The following ADGRL3 variants were observed in gnomAD, a reference collection of about 807,000 sequenced individuals.
ADGRL3 encodes calcium-independent alpha-latrotoxin receptor 3.
A neutral mutation model predicts 153.5 loss-of-function variants in ADGRL3; 62 were observed. The ratio of observed to expected loss-of-function variants is 0.40; its 90% CI spans 0.33 to 0.50. The LOEUF (loss-of-function observed/expected upper bound fraction) is 0.50. ADGRL3 is among the 20% of genes least tolerant of loss of function. The pLI is 0.47. For synonymous variants in ADGRL3, 710 were observed against 672.5 expected (o/e 1.06, Z -0.86); for missense variants, 1,641 against 1,859.4 (o/e 0.88, Z 2.16).
At chr4:61,391,984 C>T (rs920443102) in intron 2 of ADGRL3, among the ~76,000 whole-genome samples, 1 of 150,884 alleles carries the variant, frequency 6.6e-6, no homozygotes, top group Admixed American at 6.6e-5. Flanking sequence ...CTCAGCCTCC[C>T]GAGTAGCTGG....
At chr4:62,034,283 C>G (rs914440933) in intron 23 of ADGRL3, among the ~76,000 whole-genome samples, 3 of 151,564 alleles carry the variant, frequency 2.0e-5, no homozygotes, top group African/African-American at 7.3e-5. Context: ...AGTATATACA[C>G]CCTATCCTTA....
intron 1 of ADGRL3, among the ~76,000 whole-genome samples, chr4:61,326,599 A>ATGTGTGTGTGTGTGTGTGTGTG (rs34387631): frequency 2.8e-5 from 4 of 140,730 alleles, no homozygotes; most frequent in African/African-American, 1.0e-4. Context: ...ATGCCAGATA[A>ATGTGTGTGTGTGTGTGTGTGTG]TGTGTGTGTG....
intron 18 of ADGRL3, among the ~76,000 whole-genome samples, chr4:61,980,510 G>A (rs937868757): frequency 6.6e-6 from 1 of 151,354 alleles, no homozygotes; most frequent in Non-Finnish European, 1.5e-5. Context: ...CATGATCCTG[G>A]CCCACTGCAA....
Position 61,756,369 on chromosome 4 carries a change from C to G in ADGRL3, c.1399+22815C>G, listed in dbSNP as rs534618377. Among the ~76,000 whole-genome samples, 4 of 152,202 alleles carry G rather than the reference C, an allele frequency of 2.6e-5. No homozygotes were observed. The East Asian group carries it at 5.8e-4, about 22-fold the overall frequency. ...AAGTTGGATTCCTAGGTATTTTATT[C>G]TCTTTGAAGCAATTGTGAATGGGAG... On this transcript the variant is annotated intron_variant, in intron 8 of 26. Coordinates refer to ENST00000683033, the MANE Select transcript of ADGRL3 (RefSeq NM_001387552.1).
intron 9 of ADGRL3, among the ~76,000 whole-genome samples, chr4:61,842,552 T>G (rs2098048808): frequency 6.6e-6 from 1 of 152,056 alleles, no homozygotes; most frequent in African/African-American, 2.4e-5. Flanking sequence ...AAGACAGCTG[T>G]GGACTGTGAA....
chr4:61,704,285 G>A (rs2095819183), intron 6 of ADGRL3, among the ~76,000 whole-genome samples: 1 of 152,064 alleles, frequency 6.6e-6, no homozygotes, highest in African/African-American at 2.4e-5. Context: ...GATATTGCTG[G>A]TTTAGTTCCA....
chr4:61,606,216 A>G (rs761820730), intron 5 of ADGRL3, among the ~76,000 whole-genome samples: 21 of 152,208 alleles, frequency 1.4e-4, no homozygotes. Context: ...GAAGTGAACT[A>G]ATGCAGTTTG....
chr4:61,579,556 T>C (rs777241720), intron 4 of ADGRL3: 3 of 500,482 alleles, frequency 6.0e-6, no homozygotes, highest in Non-Finnish European at 1.2e-5. Flanking sequence ...ACGATTTCAT[T>C]TGAAGGTCAC....
intron 15 of ADGRL3, among the ~76,000 whole-genome samples, chr4:61,936,781 T>TACACACACACACACAC (rs71666904): frequency 0.074 from 10,207 of 138,626 alleles, 509 homozygotes; most frequent in Non-Finnish European, 0.1. Flanking sequence ...TACATATGCA[T>TACACACACACACACAC]ACACACACAC....
At chr4:61,517,004 T>TA (rs2098500009) in intron 3 of ADGRL3, among the ~76,000 whole-genome samples, 1 of 152,010 alleles carries the variant, frequency 6.6e-6, no homozygotes, top group Admixed American at 6.6e-5. Flanking sequence ...AATATTTATA[T>TA]TTTTTCAGGT....
At chr4:61,527,118 C>T (rs976886879) in intron 4 of ADGRL3, among the ~76,000 whole-genome samples, 23 of 151,944 alleles carry the variant, frequency 1.5e-4, no homozygotes, top group African/African-American at 4.6e-4. Flanking sequence ...TTAGTACTTT[C>T]GTAATTTAAA....
At chr4:61,301,097 TTGCTTAAGAAA>T (rs2094570049) in intron 1 of ADGRL3, among the ~76,000 whole-genome samples, 1 of 152,170 alleles carries the variant, frequency 6.6e-6, no homozygotes, top group African/African-American at 2.4e-5. Flanking sequence ...CATAAAATAA[TTGCTTAAGAAA>T]GATTTGGAAG....
Position 61,881,185 on chromosome 4 carries a change from G to T in ADGRL3, c.1481-11471G>T, listed in dbSNP as rs562557939. On this transcript the variant is annotated intron_variant, in intron 9 of 26. Coordinates refer to ENST00000683033, the MANE Select transcript of ADGRL3 (RefSeq NM_001387552.1). Reference sequence around the variant, plus strand: ...CAACAAAACAAATAATCAAAATAGGGCCTTACATTTTATCTGTTTATTAGA... The same window carrying T: ...CAACAAAACAAATAATCAAAATAGGTCCTTACATTTTATCTGTTTATTAGA... Among the ~76,000 whole-genome samples the T allele has an allele frequency of 5.9e-5, 9 of 152,192 alleles. No individual in the cohort carries two copies. The East Asian group carries it at 1.7e-3, about 29-fold the overall frequency.
intron 3 of ADGRL3, among the ~76,000 whole-genome samples, chr4:61,507,710 C>T (rs2098439535): frequency 6.6e-6 from 1 of 152,022 alleles, no homozygotes; most frequent in Non-Finnish European, 1.5e-5. Flanking sequence ...ATCTTACTAC[C>T]ATTAAAAAGC....
chr4:61,236,240 C>T (rs1018664909), intron 1 of ADGRL3, among the ~76,000 whole-genome samples: 1 of 152,004 alleles, frequency 6.6e-6, no homozygotes, highest in East Asian at 1.9e-4. Flanking sequence ...GAACTCCTGA[C>T]CTCAGGTGAT....
intron 2 of ADGRL3, among the ~76,000 whole-genome samples, chr4:61,470,724 A>G (rs2152681508): frequency 6.6e-6 from 1 of 152,028 alleles, no homozygotes; most frequent in South Asian, 2.1e-4. Context: ...GAAGACATTC[A>G]TGTAATATGG....
intron 9 of ADGRL3, among the ~76,000 whole-genome samples, chr4:61,877,266 T>C (rs1168903495): frequency 1.3e-5 from 2 of 152,112 alleles, no homozygotes; most frequent in African/African-American, 4.8e-5. Context: ...CTCAAAGCAT[T>C]ATGCTTAGTG....
intron 15 of ADGRL3, among the ~76,000 whole-genome samples, chr4:61,942,081 GC>G (rs1475717670): frequency 2.5e-5 from 1 of 39,502 alleles, no homozygotes; most frequent in Non-Finnish European, 4.5e-5. Flanking sequence ...GTCATAGATA[GC>G]TCTTATTATT....
At chr4:61,665,436 C>CA (rs575333592) in intron 5 of ADGRL3, among the ~76,000 whole-genome samples, 202 of 150,036 alleles carry the variant, frequency 1.3e-3, no homozygotes, top group African/African-American at 4.3e-3. Flanking sequence ...CAAAAACAAA[C>CA]AAAAAAAAAC....
Sources: gnomAD v4.1 joint callset for allele counts (sites outside exome capture counted in the v4.1 genomes callset) on GRCh38, gnomAD v4.1.1 for gene constraint, MANE v1.5 for transcripts, NCBI Gene and HGNC (gene_info 2026-07-23, HGNC 2026-07-21) for gene names.